Variants in CARMIL1 observed in about 807,000 individuals in gnomAD.
CARMIL1 encodes the protein F-actin-uncapping protein LRRC16A.
CARMIL1 carries 90 observed loss-of-function variants against 177.1 expected under a neutral mutation model. The observed-to-expected ratio is 0.51, with a 90% CI of 0.43 to 0.61. The LOEUF is 0.61. Ranked by LOEUF, CARMIL1 falls within the 20% of genes least tolerant of loss-of-function variation. CARMIL1 has a pLI of 0.00. For synonymous variants in CARMIL1, 577 were observed against 606.2 expected, an observed-to-expected ratio of 0.95 and a Z score of 0.71; for missense variants, 1,380 against 1,667.0, an observed-to-expected ratio of 0.83 and a Z score of 3.00.
intron 13 of CARMIL1, 93 bp downstream of exon 13, chr6:25,488,678 C>A: frequency 2.0e-6 from 2 of 1,011,936 alleles, no homozygotes; most frequent in Non-Finnish European, 3.1e-6. Flanking sequence ...CATTTTCCTG[C>A]CTCTCTCTTT....
intron 2 of CARMIL1, among the ~76,000 whole-genome samples, chr6:25,292,505 G>A (rs905639186): frequency 1.3e-5 from 2 of 152,160 alleles, no homozygotes; most frequent in Non-Finnish European, 2.9e-5. Context: ...TAATCTCTGG[G>A]TAGGGGCTGG....
At chr6:25,355,400 T>A (rs753919900) in intron 2 of CARMIL1, among the ~76,000 whole-genome samples, 6 of 152,144 alleles carry the variant, frequency 3.9e-5, no homozygotes, top group Non-Finnish European at 8.8e-5. Flanking sequence ...CCCAGCACTT[T>A]GGGAGGCTGA....
At chr6:25,539,171 T>G (rs1026574364) in intron 25 of CARMIL1, among the ~76,000 whole-genome samples, 3 of 152,100 alleles carry the variant, frequency 2.0e-5, no homozygotes, top group Non-Finnish European at 4.4e-5. Flanking sequence ...AAAGGATTTA[T>G]GGGAACCCCT....
intron 2 of CARMIL1, among the ~76,000 whole-genome samples, chr6:25,363,356 A>G (rs538508620): frequency 5.3e-5 from 8 of 151,976 alleles, no homozygotes; most frequent in Admixed American, 5.2e-4. Flanking sequence ...CTAGTGTTCC[A>G]TGGAGAACAC....
chr6:25,304,952 TAA>T (rs1783148770), intron 2 of CARMIL1, among the ~76,000 whole-genome samples: 1 of 152,216 alleles, frequency 6.6e-6, no homozygotes, highest in South Asian at 2.1e-4. Flanking sequence ...TTGATGAGGT[TAA>T]AATCCAATTA....
At chr6:25,409,372 T>C (rs1794702833) in intron 2 of CARMIL1, among the ~76,000 whole-genome samples, 1 of 152,206 alleles carries the variant, frequency 6.6e-6, no homozygotes, top group Non-Finnish European at 1.5e-5. Context: ...GCTCCTTTTA[T>C]ATTAGTATCT....
intron 2 of CARMIL1, among the ~76,000 whole-genome samples, chr6:25,300,373 A>G (rs774333909): frequency 2.1e-4 from 32 of 152,206 alleles, no homozygotes; most frequent in Non-Finnish European, 3.8e-4. Flanking sequence ...ACTTATCAAA[A>G]ATGCAAAAGC....
intron 29 of CARMIL1, among the ~76,000 whole-genome samples, chr6:25,566,011 C>T (rs1418172666): frequency 2.0e-5 from 3 of 152,158 alleles, no homozygotes; most frequent in Non-Finnish European, 4.4e-5. Context: ...TTGTGACTTT[C>T]TATTTCTACC....
At position 25,531,354 on chromosome 6, in the gene CARMIL1, A is replaced by G. The variant is rs572938563; in HGVS notation, c.2067+2461A>G. Among the ~76,000 whole-genome samples, 4 of 152,290 alleles carry G rather than the reference A, an allele frequency of 2.6e-5. No individual in the cohort carries two copies. In the South Asian group the frequency reaches 8.3e-4, roughly 32 times the overall value. On this transcript the variant is annotated intron_variant, in intron 24 of 36. Transcript: ENST00000329474. ...TCTTTGAAAGAAAGATGTCCATAATAAAAATGTCATGCATAATATTCCAAT... is the reference window on the plus strand; with the variant it reads ...TCTTTGAAAGAAAGATGTCCATAATGAAAATGTCATGCATAATATTCCAAT...
intron 2 of CARMIL1, among the ~76,000 whole-genome samples, chr6:25,314,241 G>A (rs1329010780): frequency 4.8e-5 from 6 of 125,734 alleles, no homozygotes; most frequent in African/African-American, 1.5e-4. Context: ...TTGGGAGGCC[G>A]AGGCGGGTGG....
intron 31 of CARMIL1, among the ~76,000 whole-genome samples, chr6:25,585,622 A>G (rs953873055): frequency 2.6e-5 from 4 of 152,164 alleles, no homozygotes; most frequent in African/African-American, 9.7e-5. Flanking sequence ...GTCATAGGAC[A>G]ATAGTGGAGG....
intron 31 of CARMIL1, among the ~76,000 whole-genome samples, chr6:25,585,611 G>T (rs533894759): frequency 4.3e-4 from 65 of 152,172 alleles, no homozygotes; most frequent in African/African-American, 1.5e-3. Context: ...GATTTGGCAG[G>T]GTCATAGGAC....
At chr6:25,541,461 T>C (rs990736320) in intron 26 of CARMIL1, among the ~76,000 whole-genome samples, 32 of 152,194 alleles carry the variant, frequency 2.1e-4, no homozygotes, top group African/African-American at 7.5e-4. Flanking sequence ...TTCTGATTAG[T>C]TAGGGTAAAT....
rs1554167349 is a variant in CARMIL1, at chr6:25,338,567, T to TA, written c.138+53659dup. Among the ~76,000 whole-genome samples, 21 of 141,116 alleles carry TA rather than the reference T, an allele frequency of 1.5e-4. No homozygotes were observed. The South Asian group carries it at 2.7e-3, about 18-fold the overall frequency. The allele number at this position is 141,116 out of a possible 152,430, so 92.6% of individuals were successfully genotyped here. On this transcript the variant is annotated intron_variant, in intron 2 of 36. Transcript: ENST00000329474. ...CTGGTCCTACTTTTTTTTTTTTTTT[T>TA]ATTTCTTGACTAGTTTTGTTAGGAG... is the stretch of plus-strand genomic sequence containing the variant.
intron 8 of CARMIL1, among the ~76,000 whole-genome samples, chr6:25,453,259 A>AC (rs1491309221): frequency 6.6e-6 from 1 of 151,884 alleles, no homozygotes; most frequent in African/African-American, 2.4e-5. Flanking sequence ...AAAAAAAAAA[A>AC]CAAACATATT....
At chr6:25,528,223 T>C (rs1004950417) in intron 23 of CARMIL1, among the ~76,000 whole-genome samples, 2 of 152,184 alleles carry the variant, frequency 1.3e-5, no homozygotes, top group African/African-American at 2.4e-5. Context: ...TTTGAGAAAA[T>C]ATGAACATTT....
chr6:25,401,716 A>G (rs1040116934), intron 2 of CARMIL1, among the ~76,000 whole-genome samples: 1 of 152,204 alleles, frequency 6.6e-6, no homozygotes, highest in Non-Finnish European at 1.5e-5. Flanking sequence ...TTGCCCTGTC[A>G]TTTGAATCTG....
chr6:25,322,319 C>T (rs1298340782), intron 2 of CARMIL1, among the ~76,000 whole-genome samples: 4 of 152,026 alleles, frequency 2.6e-5, no homozygotes, highest in Non-Finnish European at 5.9e-5. Flanking sequence ...GACAGGGTTT[C>T]GCCATGTTGG....
intron 5 of CARMIL1, among the ~76,000 whole-genome samples, chr6:25,445,429 G>A (rs1187062519): frequency 2.0e-5 from 3 of 152,090 alleles, no homozygotes; most frequent in Non-Finnish European, 2.9e-5. Flanking sequence ...GTTCTCAATG[G>A]CATCTATGAT....
Sources: allele counts gnomAD v4.1 joint callset (sites outside exome capture counted in the v4.1 genomes callset), GRCh38; gene constraint gnomAD v4.1.1; transcripts MANE v1.5; gene names NCBI Gene and HGNC (gene_info 2026-07-23, HGNC 2026-07-21).